The following GALNT9 variants were observed in gnomAD, a reference collection of about 807,000 sequenced individuals.
The protein encoded by GALNT9 is GalNAc transferase 9.
GALNT9 carries 47 observed loss-of-function variants against 63.1 expected under a neutral mutation model. That is an observed-to-expected ratio of 0.75 (90% confidence interval 0.59 to 0.95). The LOEUF is 0.95. Ranked by LOEUF, GALNT9 falls within the 40% of genes least tolerant of loss-of-function variation. The probability of loss-of-function intolerance (pLI) is 0.00; values close to 1 mark genes in which losing one functional copy is unlikely to be tolerated. For missense variants in GALNT9, 829 were observed against 874.8 expected, an observed-to-expected ratio of 0.95 and a Z score of 0.66; for synonymous variants, 396 against 365.7, an observed-to-expected ratio of 1.08 and a Z score of -0.94.
rs186262762 is a variant in GALNT9, at chr12:132,210,545, A to T, written c.1078-6855T>A. Among the ~76,000 whole-genome samples the T allele has an allele frequency of 2.0e-5, 3 of 152,018 alleles. No individual in the cohort carries two copies. In the East Asian group the frequency reaches 5.8e-4, roughly 29 times the overall value. On this transcript the variant is annotated intron_variant, in intron 6 of 10. Coordinates refer to ENST00000328957, the MANE Select transcript of GALNT9 (RefSeq NM_001122636.2). Reference sequence around the variant, plus strand: ...GGCAGGAGGTGCGCCCTGGCTGGGGACGGCTTCCTGAACCCCAGCTCTGAG... The same window carrying T: ...GGCAGGAGGTGCGCCCTGGCTGGGGTCGGCTTCCTGAACCCCAGCTCTGAG...
chr12:132,294,907 G>A (rs79875602), intron 1 of GALNT9, among the ~76,000 whole-genome samples: 5,168 of 152,338 alleles, frequency 0.034, 146 homozygotes, highest in East Asian at 0.13. Flanking sequence ...TATCTCCAGC[G>A]TGGCCTCATA....
chr12:132,204,771 C>A (rs939829466), intron 6 of GALNT9, among the ~76,000 whole-genome samples: 6 of 152,136 alleles, frequency 3.9e-5, no homozygotes, highest in Admixed American at 2.6e-4. Context: ...TCCCATCCAC[C>A]CCATTAAAAA....
chr12:132,298,374 C>A (rs549066122), intron 1 of GALNT9, among the ~76,000 whole-genome samples: 1 of 151,800 alleles, frequency 6.6e-6, no homozygotes, highest in South Asian at 2.1e-4. Flanking sequence ...TGATAACTAA[C>A]CTGCTCCCAC....
At chr12:132,299,709 G>A (rs1285801752) in intron 1 of GALNT9, among the ~76,000 whole-genome samples, 5 of 111,384 alleles carry the variant, frequency 4.5e-5, no homozygotes, top group Non-Finnish European at 9.4e-5. Context: ...CCAAGCCACT[G>A]CTGAGATAAC....
intron 6 of GALNT9, among the ~76,000 whole-genome samples, chr12:132,226,708 T>C (rs1877705439): frequency 9.0e-6 from 1 of 111,286 alleles, no homozygotes; most frequent in Non-Finnish European, 1.8e-5. Context: ...CCACACACTG[T>C]ACATACACAC....
At chr12:132,277,996 C>T (rs1306599634) in intron 2 of GALNT9, 1 of 129,108 alleles carries the variant, frequency 7.7e-6, no homozygotes, top group Non-Finnish European at 1.7e-5. Context: ...CCCGCCCCGG[C>T]CCCCTCCCCC....
chr12:132,298,142 C>G (rs2135572163), intron 1 of GALNT9, among the ~76,000 whole-genome samples: 1 of 152,118 alleles, frequency 6.6e-6, no homozygotes, highest in African/African-American at 2.4e-5. Context: ...CCTGAGATAA[C>G]TAACCCACTC....
rs1555240328 is a variant in GALNT9, at chr12:132,267,800, C to CGCACTCACACACAT, written c.420-5176_420-5175insATGTGTGTGAGTGC. 3.6e-5 allele frequency among the ~76,000 whole-genome samples: 5 copies of CGCACTCACACACAT among 140,020 alleles called. 1 individual carries two copies. The highest frequency in any genetic ancestry group is 9.1e-5 in the African/African-American group (3 of 32,866). The allele number at this position is 140,020 out of a possible 152,430, so 91.9% of individuals were successfully genotyped here. ...ACACACGCACACACACGCACTCACA[C>CGCACTCACACACAT]GCACTCACACACGCACTCACACATG... is the stretch of plus-strand genomic sequence containing the variant. On this transcript the variant is annotated intron_variant, in intron 2 of 10. Transcript: ENST00000328957.
intron 1 of GALNT9, among the ~76,000 whole-genome samples, chr12:132,322,934 C>A (rs1486102924): frequency 6.6e-6 from 1 of 152,206 alleles, no homozygotes; most frequent in Non-Finnish European, 1.5e-5. Context: ...CTGGCCGTCC[C>A]GTACGGGAAA....
chr12:132,325,231 T>C (rs1229642571), intron 1 of GALNT9, among the ~76,000 whole-genome samples: 1 of 152,218 alleles, frequency 6.6e-6, no homozygotes, highest in Non-Finnish European at 1.5e-5. Context: ...GACACACAAG[T>C]GTCTCTTAAG....
Position 132,296,036 on chromosome 12 carries a change from A to AGGGAGAGGCTCCG in GALNT9, c.239-9607_239-9606insCGGAGCCTCTCCC. On this transcript the variant is annotated intron_variant, in intron 1 of 10. Transcript: ENST00000328957. The surrounding 1 kb of genome is among the most constrained non-coding windows in gnomAD (Gnocchi z 4.2). ...AGCCTCCGGAACAGGGAGAGCCTCC[A>AGGGAGAGGCTCCG]GAACAGGGAGAGCCTCTGAACAGGG... is the stretch of plus-strand genomic sequence containing the variant. 7.5e-6 allele frequency among the ~76,000 whole-genome samples: 1 copy of AGGGAGAGGCTCCG among 132,802 alleles called. No individual in the cohort carries two copies. The highest frequency in any genetic ancestry group is 3.2e-5 in the African/African-American group (1 of 31,334). The allele number at this position is 132,802 out of a possible 152,430, so 87.1% of individuals were successfully genotyped here.
rs139990730 is a variant in GALNT9, at chr12:132,299,475, GACCAAGCC to G, written c.239-13053_239-13046del. 4.0e-3 allele frequency among the ~76,000 whole-genome samples: 492 copies of G among 123,776 alleles called. 3 individuals carry two copies. The highest frequency in any genetic ancestry group is 0.016 in the African/African-American group (461 of 29,498). 81.2% of individuals were successfully genotyped at this position (123,776 alleles called of 152,430 possible). A position where few individuals can be genotyped will look rare whatever the true frequency, so the allele number is the denominator to read the frequency against. ...ACCACACCTAACCCACCCCTGAGAT[GACCAAGCC>G]ACTCCTGAGATAACTCACTCCCATA... On this transcript the variant is annotated intron_variant, in intron 1 of 10. Coordinates refer to ENST00000328957, the MANE Select transcript of GALNT9 (RefSeq NM_001122636.2).
intron 1 of GALNT9, among the ~76,000 whole-genome samples, chr12:132,304,761 G>A (rs373087228): frequency 1.1e-3 from 37 of 33,828 alleles, no homozygotes; most frequent in Non-Finnish European, 1.5e-3. Context: ...CCTCGCCCGG[G>A]CACACCCTCA....
rs530565536 is a variant in GALNT9, at chr12:132,322,713, G to A, written c.238+6253C>T. ...GATGGAGGTGGGAGCAGGCCTGGGC[G>A]GCTTCCTGGGAGGGCCTGGTGAGCC... On this transcript the variant is annotated intron_variant, in intron 1 of 10. Transcript: ENST00000328957. Among the ~76,000 whole-genome samples, 5 of 152,208 alleles carry A rather than the reference G, an allele frequency of 3.3e-5. No homozygotes were observed. The East Asian group carries it at 5.8e-4, about 18-fold the overall frequency.
At chr12:132,285,099 C>T (rs1259009829) in intron 2 of GALNT9, among the ~76,000 whole-genome samples, 1 of 152,228 alleles carries the variant, frequency 6.6e-6, no homozygotes, top group African/African-American at 2.4e-5. Context: ...TGTCAGGGTT[C>T]CCTGGCGGGT....
intron 1 of GALNT9, among the ~76,000 whole-genome samples, chr12:132,289,673 C>T (rs1275440885): frequency 6.6e-6 from 1 of 152,220 alleles, no homozygotes; most frequent in Non-Finnish European, 1.5e-5. Context: ...GTGAGGGTTG[C>T]CAGGCCTCTG....
Position 132,246,879 on chromosome 12 carries a change from C to T in GALNT9, c.1077+1031G>A, listed in dbSNP as rs1247883949. On this transcript the variant is annotated intron_variant, in intron 6 of 10. Coordinates refer to ENST00000328957, the MANE Select transcript of GALNT9 (RefSeq NM_001122636.2). This position sits in a 1 kb window ranked among gnomAD's most constrained non-coding sequence, Gnocchi z 4.7. ...AACCTGAGTTAAACAATCGCGGCCA[C>T]GGGGAAGGAGGCCGTTTTATTGATT... Among the ~76,000 whole-genome samples, 2 of 152,156 alleles carry T rather than the reference C, an allele frequency of 1.3e-5. No individual in the cohort carries two copies. The highest frequency in any genetic ancestry group is 2.9e-5 in the Non-Finnish European group (2 of 68,032).
chr12:132,215,530 G>T (rs1877149224), intron 6 of GALNT9, among the ~76,000 whole-genome samples: 1 of 152,258 alleles, frequency 6.6e-6, no homozygotes, highest in African/African-American at 2.4e-5. Flanking sequence ...CCATGCCAGG[G>T]CTTGGCGAGT....
At chr12:132,328,899 A>G in intron 1 of GALNT9, 67 bp downstream of exon 1, 1 of 1,422,626 alleles carries the variant, frequency 7.0e-7, no homozygotes, top group East Asian at 2.7e-5. Context: ...GGCCTGACCC[A>G]TCGCGCCCGG....
Sources: gnomAD v4.1 joint callset for allele counts (sites outside exome capture counted in the v4.1 genomes callset) on GRCh38, gnomAD v4.1.1 for gene constraint, Gnocchi (gnomAD v3.1) non-coding constraint, MANE v1.5 for transcripts, NCBI Gene and HGNC (gene_info 2026-07-23, HGNC 2026-07-21) for gene names.